ANKRD6: variants seen among roughly 807,000 people sequenced by gnomAD.
ANKRD6 encodes the protein ankyrin repeat domain-containing protein 6.
A neutral mutation model predicts 82.3 loss-of-function variants in ANKRD6; 56 were observed. The observed-to-expected ratio is 0.68, with a 90% CI of 0.55 to 0.85. ANKRD6 has a LOEUF of 0.85. ANKRD6 is among the 40% of genes least tolerant of loss of function. The pLI is 0.00. For synonymous variants in ANKRD6, 347 were observed against 352.1 expected (o/e 0.99, Z 0.16); for missense variants, 852 against 907.6 (o/e 0.94, Z 0.79).
At chr6:89,606,214 C>T (rs915320229) in intron 5 of ANKRD6, 109 bp downstream of exon 5, 19 of 815,454 alleles carry the variant, frequency 2.3e-5, no homozygotes, top group Non-Finnish European at 3.5e-5. Flanking sequence ...CCCAGAGTGG[C>T]ACGAGGAACC....
At chr6:89,549,369 G>T (rs753566103) in intron 1 of ANKRD6, among the ~76,000 whole-genome samples, 1 of 151,858 alleles carries the variant, frequency 6.6e-6, no homozygotes, top group Non-Finnish European at 1.5e-5. Flanking sequence ...GAGCAAGTTT[G>T]CCTCCCCACC....
rs772256394 is a variant in ANKRD6, at chr6:89,627,571, C to T, written c.1372-12C>T. ...CATCTCAGTCTTACACTCTGCTCCA[C>T]TTCACTCCTAGATGCGTGTTTTGGA... On this transcript the variant is annotated splice_polypyrimidine_tract_variant and intron_variant, in intron 13 of 15. Transcript: ENST00000339746. 1.3e-5 allele frequency: 21 copies of T among 1,612,860 alleles called. No homozygotes were observed. The highest frequency in any genetic ancestry group is 1.8e-5 in the Non-Finnish European group (21 of 1,179,028).
At chr6:89,462,826 C>T (rs571406328) in intron 1 of ANKRD6, among the ~76,000 whole-genome samples, 2 of 149,034 alleles carry the variant, frequency 1.3e-5, no homozygotes, top group Admixed American at 6.7e-5. Flanking sequence ...GAAAAGTACA[C>T]GAGTACCCCT....
chr6:89,614,168 T>C (rs919604462), intron 7 of ANKRD6, among the ~76,000 whole-genome samples: 3 of 152,166 alleles, frequency 2.0e-5, no homozygotes, highest in Non-Finnish European at 2.9e-5. Flanking sequence ...CTTTGTTTTT[T>C]AAATGTGATT....
chr6:89,527,815 T>G (rs1782687567), intron 1 of ANKRD6, among the ~76,000 whole-genome samples: 1 of 151,914 alleles, frequency 6.6e-6, no homozygotes, highest in Non-Finnish European at 1.5e-5. Flanking sequence ...GTTTTTTTGT[T>G]TTGTTTTGTT....
At chr6:89,578,931 C>T (rs899773700) in intron 2 of ANKRD6, among the ~76,000 whole-genome samples, 1 of 152,184 alleles carries the variant, frequency 6.6e-6, no homozygotes, top group African/African-American at 2.4e-5. Flanking sequence ...TCCAGCACCT[C>T]CATAGTCCTT....
At chr6:89,566,611 TA>T (rs1318171808) in intron 1 of ANKRD6, among the ~76,000 whole-genome samples, 2 of 152,190 alleles carry the variant, frequency 1.3e-5, no homozygotes, top group Non-Finnish European at 2.9e-5. Flanking sequence ...ATGTCCCTGA[TA>T]GGGGAAGAAG....
At chr6:89,624,832 T>C (rs1263973522) in intron 13 of ANKRD6, 141 bp downstream of exon 13, 5 of 903,024 alleles carry the variant, frequency 5.5e-6, no homozygotes, top group Non-Finnish European at 8.0e-6. Context: ...TCTGCTTATG[T>C]GATTTTGTTA....
At chr6:89,504,563 G>T (rs1779629268) in intron 1 of ANKRD6, among the ~76,000 whole-genome samples, 1 of 145,714 alleles carries the variant, frequency 6.9e-6, no homozygotes, top group Admixed American at 6.9e-5. Context: ...TACCCGCCTG[G>T]TTAAATTAAA....
intron 1 of ANKRD6, among the ~76,000 whole-genome samples, chr6:89,443,190 A>G (rs1771643315): frequency 1.3e-5 from 2 of 152,142 alleles, no homozygotes. Context: ...CCTGAACTCC[A>G]AAAGGGAAGG....
Position 89,631,116 on chromosome 6 carries a change from A to T in ANKRD6, c.*112A>T, listed in dbSNP as rs938785089. 2.9e-5 allele frequency: 41 copies of T among 1,407,062 alleles called. No homozygotes were observed. Among genetic ancestry groups the T allele is most frequent in the Middle Eastern group, 4.1e-4 (2 of 4,924 alleles). 87.2% of individuals were successfully genotyped at this position (1,407,062 alleles called of 1,614,324 possible). ...GTATATATTGCAGATTTGCCTTTTT[A>T]AAAAAATCACTAATTCTACAATGTG... On this transcript the variant is annotated 3_prime_UTR_variant, in exon 16 of 16. Coordinates refer to ENST00000339746, the MANE Select transcript of ANKRD6 (RefSeq NM_001242809.2).
intron 1 of ANKRD6, among the ~76,000 whole-genome samples, chr6:89,456,521 C>G (rs1187532021): frequency 6.6e-6 from 1 of 152,162 alleles, no homozygotes; most frequent in African/African-American, 2.4e-5. Context: ...CTTGGTGTCT[C>G]CAGTCAGACT....
At chr6:89,536,871 A>C (rs1783902243) in intron 1 of ANKRD6, among the ~76,000 whole-genome samples, 1 of 152,174 alleles carries the variant, frequency 6.6e-6, no homozygotes, top group Non-Finnish European at 1.5e-5. Context: ...ACATCTGTTC[A>C]TTACAACATT....
At chr6:89,453,148 C>T (rs922688063) in intron 1 of ANKRD6, among the ~76,000 whole-genome samples, 2 of 152,352 alleles carry the variant, frequency 1.3e-5, no homozygotes, top group African/African-American at 4.8e-5. Flanking sequence ...AAAGTAACTA[C>T]AGGCGGTTCT....
At chr6:89,463,996 C>A (rs908070655) in intron 1 of ANKRD6, among the ~76,000 whole-genome samples, 1 of 152,186 alleles carries the variant, frequency 6.6e-6, no homozygotes, top group African/African-American at 2.4e-5. Context: ...TAATGTATAT[C>A]TGCGTACTGG....
intron 1 of ANKRD6, among the ~76,000 whole-genome samples, chr6:89,478,932 T>C (rs1776432787): frequency 1.3e-5 from 2 of 152,144 alleles, no homozygotes; most frequent in African/African-American, 4.8e-5. Flanking sequence ...TAGCCTACCC[T>C]GCTGACACCT....
chr6:89,553,432 AC>A (rs1284587565), intron 1 of ANKRD6, among the ~76,000 whole-genome samples: 1 of 152,140 alleles, frequency 6.6e-6, no homozygotes, highest in Non-Finnish European at 1.5e-5. Flanking sequence ...ACTGTTGGAA[AC>A]CAAATTAGAG....
rs764695379 is a variant in ANKRD6 at position 89,613,903 on chromosome 6, A to G, written c.615+13A>G. 7 of 1,612,888 alleles carry G rather than the reference A, an allele frequency of 4.3e-6. No individual in the cohort carries two copies. The highest frequency in any genetic ancestry group is 1.7e-6 in the Non-Finnish European group (2 of 1,179,214). On this transcript the variant is annotated intron_variant, in intron 7 of 15. Transcript: ENST00000339746. ...TGAAAAGAACCAGGTCAGTGCATGT[A>G]TTCTCTTCATGGCTGCCAGCACCCT...
At chr6:89,480,196 T>C (rs1053153333) in intron 1 of ANKRD6, among the ~76,000 whole-genome samples, 3 of 152,228 alleles carry the variant, frequency 2.0e-5, no homozygotes, top group Admixed American at 6.5e-5. Context: ...AAGGTAACTA[T>C]CCCAGAAGAT....
Sources: allele counts gnomAD v4.1 joint callset (sites outside exome capture counted in the v4.1 genomes callset), GRCh38; gene constraint gnomAD v4.1.1; transcripts MANE v1.5; gene names NCBI Gene and HGNC (gene_info 2026-07-23, HGNC 2026-07-21).